The following GORAB variants were observed in gnomAD, a reference collection of about 807,000 sequenced individuals.
GORAB encodes the protein golgin, RAB6 interacting.
Under a neutral mutation model 29.9 loss-of-function variants are expected in GORAB, and 17 were observed. The observed-to-expected ratio is 0.57, with a 90% CI of 0.39 to 0.85. The LOEUF (loss-of-function observed/expected upper bound fraction) is 0.85, where lower values mean the gene tolerates loss of function less well. GORAB is among the 40% of genes least tolerant of loss of function. The probability of loss-of-function intolerance (pLI) is 0.00; values close to 1 mark genes in which losing one functional copy is unlikely to be tolerated. For missense variants in GORAB, 442 were observed against 437.8 expected (o/e 1.01, Z -0.09); for synonymous variants, 183 against 157.2 (o/e 1.16, Z -1.23).
intron 1 of GORAB, 33 bp from the exon 2 acceptor site, chr1:170,539,177 C>T: frequency 6.2e-7 from 1 of 1,613,050 alleles, no homozygotes; most frequent in Non-Finnish European, 8.5e-7. Flanking sequence ...GCTGCCCACA[C>T]AAAGGAATTT....
At chr1:170,534,489 A>G (rs1034727185) in intron 1 of GORAB, among the ~76,000 whole-genome samples, 8 of 152,182 alleles carry the variant, frequency 5.3e-5, no homozygotes, top group Non-Finnish European at 1.0e-4. Context: ...ATCCTCATAT[A>G]CCAAGGATCA....
At chr1:170,542,452 C>T (rs1336192241) in intron 2 of GORAB, 39 bp from the exon 3 acceptor site, 1 of 1,306,646 alleles carries the variant, frequency 7.7e-7, no homozygotes, top group South Asian at 1.2e-5. Context: ...GTTTCTTTTT[C>T]TTTCATAAAC....
chr1:170,544,819 G>C lies in GORAB; in HGVS notation c.636G>C (p.Gln212His). 1 of 1,613,976 alleles carries C rather than the reference G, an allele frequency of 6.2e-7. No homozygotes were observed. Among genetic ancestry groups the C allele is most frequent in the Admixed American group, 1.7e-5 (1 of 60,030 alleles). The change falls in exon 4 of 5, where the codon CAG (glutamine) becomes CAC (histidine). Residue 212 changes from glutamine (Q) to histidine (H), a missense_variant. Transcript: ENST00000367763. ...DIGILRNRID[Q>H]ASLDYSYARK... ...GAATTCTCAGGAACCGGATTGATCA[G>C]GCCAGCTTAGACTATTCATACGCTC...
In GORAB at chr1:170,553,154, A is replaced by T. The variant is rs760136005; in HGVS notation, c.*692A>T. 13 of 433,516 alleles carry T rather than the reference A, an allele frequency of 3.0e-5. No individual in the cohort carries two copies. Among genetic ancestry groups the T allele is most frequent in the South Asian group, 2.2e-4 (13 of 59,466 alleles). The allele number at this position is 433,516 out of a possible 1,614,324, so 26.9% of individuals were successfully genotyped here. On this transcript the variant is annotated 3_prime_UTR_variant, in exon 5 of 5. Coordinates refer to ENST00000367763, the MANE Select transcript of GORAB (RefSeq NM_152281.3). ...TTTACTATTTTATTGTCTTTCCTTT[A>T]ATCGATGAATTGATTAAATTTAGAC... is the stretch of plus-strand genomic sequence containing the variant.
At chr1:170,542,103 A>G (rs1335943036) in intron 2 of GORAB, among the ~76,000 whole-genome samples, 1 of 152,280 alleles carries the variant, frequency 6.6e-6, no homozygotes, top group African/African-American at 2.4e-5. Flanking sequence ...AAAGGTATAA[A>G]TAATATGACA....
At chr1:170,538,581 A>C (rs557855575) in intron 1 of GORAB, among the ~76,000 whole-genome samples, 2 of 152,260 alleles carry the variant, frequency 1.3e-5, no homozygotes, top group South Asian at 4.2e-4. Context: ...AATCAGTTTG[A>C]ATGCATTGAT....
intron 4 of GORAB, chr1:170,545,175 G>A (rs1649681027): frequency 9.8e-7 from 1 of 1,022,278 alleles, no homozygotes; most frequent in Non-Finnish European, 1.2e-6. Flanking sequence ...GTAAATATCT[G>A]AGTGGTTTCG....
intron 4 of GORAB, 118 bp from the exon 5 acceptor site, chr1:170,551,897 G>GT: frequency 1.2e-6 from 1 of 854,500 alleles, no homozygotes; most frequent in Admixed American, 2.0e-5. Context: ...AGTAATATCC[G>GT]TATCTTCATT....
At position 170,539,267 on chromosome 1, in the gene GORAB, G is replaced by A. The variant is rs1158312468; in HGVS notation, c.119G>A (p.Arg40Gln). 1.9e-6 allele frequency: 3 copies of A among 1,614,012 alleles called. No homozygotes were observed. The highest frequency in any genetic ancestry group is 1.1e-5 in the South Asian group (1 of 91,092). Residue 40 changes from arginine to glutamine, a missense_variant, in exon 2 of 5, where the codon CGA becomes CAA. Coordinates refer to ENST00000367763, the MANE Select transcript of GORAB (RefSeq NM_152281.3). ...PAKKSRQQLQREKALVEQSQK... is the reference protein window; with the variant it reads ...PAKKSRQQLQQEKALVEQSQK... The stretch of plus-strand genomic sequence containing the variant: ...AAGAAAAGTCGACAACAACTTCAGC[G>A]AGAAAAAGCCCTTGTAGAGCAAAGC...
chr1:170,545,834 C>A, intron 4 of GORAB: 1 of 682,226 alleles, frequency 1.5e-6, no homozygotes, highest in Non-Finnish European at 1.8e-6. Context: ...GTTGTTGGAC[C>A]ATATGCTATT....
intron 1 of GORAB, among the ~76,000 whole-genome samples, chr1:170,533,836 C>A (rs1475884301): frequency 3.3e-5 from 5 of 152,120 alleles, no homozygotes; most frequent in Admixed American, 6.5e-5. Flanking sequence ...AATATCTTAA[C>A]CTCCTTGTAT....
intron 3 of GORAB, 105 bp downstream of exon 3, chr1:170,542,697 TCAAC>T: frequency 1.2e-6 from 1 of 815,838 alleles, no homozygotes. Context: ...TATTTTTTCT[TCAAC>T]CATTACTTTT....
Position 170,539,448 on chromosome 1 carries a change from A to G in GORAB, c.300A>G (p.Pro100=). The part of the protein sequence containing the change: ...TLTSPVGDGQ[P]QGIESQPKEL... ...CCTCCCCCGTTGGTGATGGACAACC[A>G]CAGGGCATTGAAAGTCAGCCAAAGG... Residue 100 remains proline, a synonymous_variant, in exon 2 of 5, where the codon CCA becomes CCG. Coordinates refer to ENST00000367763, the MANE Select transcript of GORAB (RefSeq NM_152281.3). 1.2e-6 allele frequency: 2 copies of G among 1,614,120 alleles called. No homozygotes were observed. The highest frequency in any genetic ancestry group is 1.7e-6 in the Non-Finnish European group (2 of 1,180,002).
rs1649240171 is a variant in GORAB, at chr1:170,539,198, T to C, written c.62-12T>C. On this transcript the variant is annotated splice_polypyrimidine_tract_variant and intron_variant, in intron 1 of 4. Coordinates refer to ENST00000367763, the MANE Select transcript of GORAB (RefSeq NM_152281.3). ...CACACAAAGGAATTTTCCTCTATTT[T>C]CTTTTACATAGATCCATTTGAACCA... 6.2e-7 allele frequency: 1 copy of C among 1,613,960 alleles called. No homozygotes were observed. The highest frequency in any genetic ancestry group is 1.1e-5 in the South Asian group (1 of 91,068).
At chr1:170,551,969 C>A in intron 4 of GORAB, 46 bp from the exon 5 acceptor site, 1 of 1,522,286 alleles carries the variant, frequency 6.6e-7, no homozygotes, top group South Asian at 1.2e-5. Context: ...TGAATATCTT[C>A]TTCAATGGAA....
rs1370380309 is a variant in GORAB, at chr1:170,553,376, G to A, written c.*914G>A. 3 of 452,282 alleles carry A rather than the reference G, an allele frequency of 6.6e-6. No individual in the cohort carries two copies. Among genetic ancestry groups the A allele is most frequent in the African/African-American group, 6.0e-5 (3 of 49,962 alleles). The allele number at this position is 452,282 out of a possible 1,614,324, so 28.0% of individuals were successfully genotyped here. On this transcript the variant is annotated 3_prime_UTR_variant, in exon 5 of 5. Coordinates refer to ENST00000367763, the MANE Select transcript of GORAB (RefSeq NM_152281.3). ...TTTCTTATTAGTTTGTTAATTGCCT[G>A]TTACTAGTACTTGACCAATACATTG...
At chr1:170,532,322 C>T (rs773609749) in intron 1 of GORAB, 38 bp downstream of exon 1, 6 of 1,606,686 alleles carry the variant, frequency 3.7e-6, no homozygotes, top group Non-Finnish European at 5.1e-6. Flanking sequence ...ATTCTTGGGT[C>T]TTAAGGGGAA....
chr1:170,533,360 A>T, intron 1 of GORAB: 1 of 252,452 alleles, frequency 4.0e-6, no homozygotes, highest in Non-Finnish European at 8.6e-6. Context: ...CTCTATCATA[A>T]AGGTTAGGCT....
intron 4 of GORAB, among the ~76,000 whole-genome samples, chr1:170,550,904 A>G (rs1650062505): frequency 6.6e-6 from 1 of 152,244 alleles, no homozygotes; most frequent in South Asian, 2.1e-4. Context: ...GCAAAAGACA[A>G]TAAATTAAGA....
Sources: allele counts gnomAD v4.1 joint callset (sites outside exome capture counted in the v4.1 genomes callset), GRCh38; gene constraint gnomAD v4.1.1; transcripts MANE v1.5; gene names NCBI Gene and HGNC (gene_info 2026-07-23, HGNC 2026-07-21).